CHSY3: variants seen among roughly 807,000 people sequenced by gnomAD.
The protein encoded by CHSY3 is N-acetylgalactosaminyl-proteoglycan 3-beta-glucuronosyltransferase 3.
Under a neutral mutation model 67.2 loss-of-function variants are expected in CHSY3, and 35 were observed. The observed-to-expected ratio is 0.52, with a 90% confidence interval of 0.40 to 0.69. The LOEUF (loss-of-function observed/expected upper bound fraction) is 0.69, where lower values mean the gene tolerates loss of function less well. Ranked by LOEUF, CHSY3 falls within the 30% of genes least tolerant of loss-of-function variation. The pLI, the probability that CHSY3 is intolerant of heterozygous loss-of-function variation, is 0.00. For synonymous variants in CHSY3, 474 were observed against 434.7 expected, an observed-to-expected ratio of 1.09 and a Z score of -1.12; for missense variants, 1,069 against 1,138.5, an observed-to-expected ratio of 0.94 and a Z score of 0.88.
intron 2 of CHSY3, among the ~76,000 whole-genome samples, chr5:130,113,214 AC>A (rs1231065838): frequency 1.3e-5 from 2 of 152,124 alleles, no homozygotes; most frequent in African/African-American, 4.8e-5. Context: ...AAGGAAGATA[AC>A]AAATGATGAA....
At chr5:129,941,603 G>A (rs1363332104) in intron 2 of CHSY3, among the ~76,000 whole-genome samples, 2 of 152,120 alleles carry the variant, frequency 1.3e-5, no homozygotes, top group African/African-American at 4.8e-5. Flanking sequence ...AACAAGTGAA[G>A]ATTACCAGAG....
chr5:130,178,253 A>ATTTTTT lies in CHSY3; in HGVS notation c.1087-5964_1087-5959dup, dbSNP rs10699248. On this transcript the variant is annotated intron_variant, in intron 2 of 2. Transcript: ENST00000305031. ...TATATATATATATATATATATATAT[A>ATTTTTT]TTTTTTTTTTTTTTTTTCCTGAGAC... Among the ~76,000 whole-genome samples, 145 of 45,908 alleles carry ATTTTTT rather than the reference A, an allele frequency of 3.2e-3. 3 individuals carry two copies. The highest frequency in any genetic ancestry group is 8.6e-3 in the African/African-American group (85 of 9,862). 30.1% of individuals were successfully genotyped at this position (45,908 alleles called of 152,430 possible). A position where few individuals can be genotyped will look rare whatever the true frequency, so the allele number is the denominator to read the frequency against.
At chr5:129,904,284 G>T (rs1057235112), upstream of CHSY3, among the ~76,000 whole-genome samples, 10 of 152,186 alleles carry the variant, frequency 6.6e-5, no homozygotes, top group Non-Finnish European at 1.2e-4. Context: ...AGGCGCGGAC[G>T]GGGGGCGTCC....
At chr5:130,063,981 CT>C (rs1311129458) in intron 2 of CHSY3, among the ~76,000 whole-genome samples, 1 of 152,038 alleles carries the variant, frequency 6.6e-6, no homozygotes. Context: ...GAAGATTATA[CT>C]GATGAGGGTG....
chr5:130,063,664 T>G (rs1765783986), intron 2 of CHSY3, among the ~76,000 whole-genome samples: 2 of 152,148 alleles, frequency 1.3e-5, no homozygotes, highest in African/African-American at 4.8e-5. Context: ...ACTGGATAAT[T>G]TATAAACAAT....
intron 2 of CHSY3, among the ~76,000 whole-genome samples, chr5:129,984,226 T>A (rs1292206990): frequency 1.3e-5 from 2 of 152,128 alleles, no homozygotes; most frequent in Admixed American, 6.6e-5. Context: ...TTGTTCCCTT[T>A]GTATCCATGT....
At chr5:130,163,192 A>G (rs1561565320) in intron 2 of CHSY3, among the ~76,000 whole-genome samples, 1 of 152,226 alleles carries the variant, frequency 6.6e-6, no homozygotes, top group Non-Finnish European at 1.5e-5. Flanking sequence ...GAAGAGTAGA[A>G]TAAAGCTATT....
At chr5:129,986,700 C>T (rs148877826) in intron 2 of CHSY3, among the ~76,000 whole-genome samples, 289 of 152,184 alleles carry the variant, frequency 1.9e-3, no homozygotes, top group African/African-American at 6.4e-3. Flanking sequence ...TAGAGTACAG[C>T]GGCATGTTCT....
chr5:130,011,410 A>C (rs748701016), intron 2 of CHSY3, among the ~76,000 whole-genome samples: 1 of 152,232 alleles, frequency 6.6e-6, no homozygotes, highest in Non-Finnish European at 1.5e-5. Context: ...AAGTCTTTCA[A>C]TAAAATTCAA....
intron 2 of CHSY3, among the ~76,000 whole-genome samples, chr5:130,053,844 T>C (rs1269927259): frequency 6.6e-6 from 1 of 152,322 alleles, no homozygotes; most frequent in East Asian, 1.9e-4. Context: ...TTTTTCGTTA[T>C]CTTAATTTTG....
chr5:130,177,809 A>C (rs1337105333), intron 2 of CHSY3, among the ~76,000 whole-genome samples: 1 of 151,908 alleles, frequency 6.6e-6, no homozygotes, highest in Non-Finnish European at 1.5e-5. Flanking sequence ...ATTTTGTGGA[A>C]ATTTTCTTGA....
chr5:130,042,489 G>A (rs540005936), intron 2 of CHSY3, among the ~76,000 whole-genome samples: 1 of 151,860 alleles, frequency 6.6e-6, no homozygotes, highest in Non-Finnish European at 1.5e-5. Context: ...TTTGTCTATT[G>A]GTTTTAAAAA....
At chr5:130,078,066 A>G (rs942872678) in intron 2 of CHSY3, among the ~76,000 whole-genome samples, 1 of 152,182 alleles carries the variant, frequency 6.6e-6, no homozygotes, top group South Asian at 2.1e-4. Context: ...CATTTTATGG[A>G]TAAGAAAACT....
intron 2 of CHSY3, among the ~76,000 whole-genome samples, chr5:130,039,168 G>T (rs563189800): frequency 6.6e-6 from 1 of 152,044 alleles, no homozygotes; most frequent in Non-Finnish European, 1.5e-5. Context: ...TAGGACTTTA[G>T]AGTCATTTAG....
intron 2 of CHSY3, among the ~76,000 whole-genome samples, chr5:129,986,712 G>T (rs1267071613): frequency 6.6e-6 from 1 of 152,062 alleles, no homozygotes; most frequent in African/African-American, 2.4e-5. Flanking sequence ...GCATGTTCTT[G>T]GTTCACTGCA....
chr5:130,171,806 C>T (rs1230954027), intron 2 of CHSY3, among the ~76,000 whole-genome samples: 1 of 140,662 alleles, frequency 7.1e-6, no homozygotes, highest in African/African-American at 2.5e-5. Flanking sequence ...GAAGGAAAAC[C>T]TTCTTCAAAA....
At chr5:130,057,629 T>C (rs1765577474) in intron 2 of CHSY3, among the ~76,000 whole-genome samples, 1 of 152,194 alleles carries the variant, frequency 6.6e-6, no homozygotes, top group Non-Finnish European at 1.5e-5. Context: ...CATTAAATTA[T>C]ATTGTTGGAT....
chr5:130,109,562 T>C (rs189342788), intron 2 of CHSY3, among the ~76,000 whole-genome samples: 5 of 151,922 alleles, frequency 3.3e-5, no homozygotes, highest in African/African-American at 1.2e-4. Flanking sequence ...TTAAATTTTT[T>C]CTCAATTTTA....
At chr5:130,132,549 C>T (rs1768517051) in intron 2 of CHSY3, among the ~76,000 whole-genome samples, 1 of 152,124 alleles carries the variant, frequency 6.6e-6, no homozygotes, top group Non-Finnish European at 1.5e-5. Context: ...GACAAAATCT[C>T]AGTTGATATA....
Sources: allele counts gnomAD v4.1 joint callset (sites outside exome capture counted in the v4.1 genomes callset), GRCh38; gene constraint gnomAD v4.1.1; transcripts MANE v1.5; gene names NCBI Gene and HGNC (gene_info 2026-07-23, HGNC 2026-07-21).